Variants in MAGI2 observed in about 807,000 individuals in gnomAD.
MAGI2 encodes the protein membrane associated guanylate kinase, WW and PDZ domain containing 2.
MAGI2 carries 35 observed loss-of-function variants against 133.3 expected under a neutral mutation model. The ratio of observed to expected loss-of-function variants is 0.26; its 90% CI spans 0.20 to 0.35. The LOEUF is 0.35. Among genes scored for constraint, MAGI2 ranks in the 10% least tolerant of loss-of-function variants. The probability of loss-of-function intolerance (pLI) is 1.00; values close to 1 mark genes in which losing one functional copy is unlikely to be tolerated. For missense variants in MAGI2, 1,636 were observed against 1,863.4 expected, an observed-to-expected ratio of 0.88 and a Z score of 2.25; for synonymous variants, 729 against 710.6, an observed-to-expected ratio of 1.03 and a Z score of -0.41.
intron 2 of MAGI2, among the ~76,000 whole-genome samples, chr7:78,753,112 A>G (rs973667690): frequency 1.3e-5 from 2 of 152,236 alleles, no homozygotes; most frequent in Admixed American, 1.3e-4. Flanking sequence ...ACAAGAAAAT[A>G]TCACTCATAC....
intron 2 of MAGI2, among the ~76,000 whole-genome samples, chr7:78,951,879 A>T (rs1801900943): frequency 1.3e-5 from 2 of 152,198 alleles, no homozygotes; most frequent in African/African-American, 4.8e-5. Flanking sequence ...CATCCTCTAC[A>T]CTGATTAGGG....
chr7:78,305,820 G>A (rs12705394), intron 9 of MAGI2, among the ~76,000 whole-genome samples: 77 of 152,198 alleles, frequency 5.1e-4, no homozygotes, highest in South Asian at 1.2e-3. Flanking sequence ...AGACAATTAT[G>A]AGCTTTAGTT....
intron 1 of MAGI2, among the ~76,000 whole-genome samples, chr7:79,376,118 A>G (rs1843361285): frequency 6.6e-6 from 1 of 151,766 alleles, no homozygotes; most frequent in Non-Finnish European, 1.5e-5. Flanking sequence ...ATCTTATTGT[A>G]TATGTTTATA....
chr7:78,815,936 A>G (rs962466211), intron 2 of MAGI2, among the ~76,000 whole-genome samples: 3 of 152,228 alleles, frequency 2.0e-5, no homozygotes, highest in African/African-American at 7.2e-5. Context: ...ATCAGAAGCT[A>G]GAAATGATTA....
At chr7:79,335,692 G>C (rs1196412595) in intron 1 of MAGI2, among the ~76,000 whole-genome samples, 1 of 151,944 alleles carries the variant, frequency 6.6e-6, no homozygotes, top group Non-Finnish European at 1.5e-5. Flanking sequence ...AAATCTTTTT[G>C]ACAAAATTAT....
At chr7:78,627,744 C>T (rs942758903) in intron 2 of MAGI2, among the ~76,000 whole-genome samples, 1 of 152,170 alleles carries the variant, frequency 6.6e-6, no homozygotes, top group Non-Finnish European at 1.5e-5. Flanking sequence ...GTTAAATTTG[C>T]ACCCAGAGCC....
intron 20 of MAGI2, among the ~76,000 whole-genome samples, chr7:78,087,128 C>T (rs759661209): frequency 6.6e-6 from 1 of 152,120 alleles, no homozygotes; most frequent in Non-Finnish European, 1.5e-5. Context: ...GGGTTGGGTG[C>T]CTTTTCTGTG....
At chr7:79,402,418 T>A (rs1845531899) in intron 1 of MAGI2, among the ~76,000 whole-genome samples, 1 of 152,170 alleles carries the variant, frequency 6.6e-6, no homozygotes, top group South Asian at 2.1e-4. Flanking sequence ...ACACAAATTA[T>A]TGTAAAAATA....
At chr7:79,142,896 A>T (rs1397507402) in intron 1 of MAGI2, among the ~76,000 whole-genome samples, 1 of 152,164 alleles carries the variant, frequency 6.6e-6, no homozygotes, top group East Asian at 1.9e-4. Context: ...TCAGCCAGGG[A>T]GCCCACCCTT....
intron 6 of MAGI2, among the ~76,000 whole-genome samples, chr7:78,416,747 A>G (rs1249561647): frequency 6.6e-6 from 1 of 152,120 alleles, no homozygotes; most frequent in Non-Finnish European, 1.5e-5. Flanking sequence ...CATGTGTTAT[A>G]AAAGAGGCTT....
intron 1 of MAGI2, among the ~76,000 whole-genome samples, chr7:79,181,672 A>G (rs1331042232): frequency 6.6e-6 from 1 of 152,008 alleles, no homozygotes; most frequent in Non-Finnish European, 1.5e-5. Context: ...TTCTGTAGCC[A>G]GCTTGAATTT....
chr7:79,187,744 G>C (rs1827291480), intron 1 of MAGI2, among the ~76,000 whole-genome samples: 2 of 151,746 alleles, frequency 1.3e-5, no homozygotes, highest in African/African-American at 4.8e-5. Flanking sequence ...AAAAACAATT[G>C]TGCAAGTAGA....
chr7:79,427,097 G>A (rs992815342), intron 1 of MAGI2, among the ~76,000 whole-genome samples: 5 of 152,156 alleles, frequency 3.3e-5, no homozygotes, highest in Admixed American at 6.5e-5. Context: ...TTAACTGGCA[G>A]TTTTTGGACA....
chr7:78,754,370 C>CAAAT (rs1554555812), intron 2 of MAGI2, among the ~76,000 whole-genome samples: 9,540 of 147,030 alleles, frequency 0.065, 384 homozygotes, highest in African/African-American at 0.12. Flanking sequence ...GACCCTGTCT[C>CAAAT]AAATAAATAA....
intron 12 of MAGI2, among the ~76,000 whole-genome samples, chr7:78,189,609 T>C (rs1828020570): frequency 6.6e-6 from 1 of 152,190 alleles, no homozygotes; most frequent in Admixed American, 6.5e-5. Context: ...CAAAGTTCAA[T>C]GTGAAGAGAA....
chr7:78,118,813 A>G (rs1820135928), intron 20 of MAGI2, among the ~76,000 whole-genome samples: 1 of 152,222 alleles, frequency 6.6e-6, no homozygotes, highest in South Asian at 2.1e-4. Flanking sequence ...AAAACTCAAC[A>G]TACTTGTATC....
At chr7:78,137,713 A>C (rs1188087832) in intron 16 of MAGI2, among the ~76,000 whole-genome samples, 1 of 152,194 alleles carries the variant, frequency 6.6e-6, no homozygotes, top group Non-Finnish European at 1.5e-5. Context: ...CTCTGATTTC[A>C]CAAAAAAGAC....
At chr7:78,655,469 A>AC (rs1373733128) in intron 2 of MAGI2, among the ~76,000 whole-genome samples, 3 of 150,242 alleles carry the variant, frequency 2.0e-5, no homozygotes, top group East Asian at 3.9e-4. Flanking sequence ...AAAAAAAAAA[A>AC]AAAAAACCAC....
At chr7:78,935,221 G>A (rs187918526) in intron 2 of MAGI2, among the ~76,000 whole-genome samples, 10 of 152,216 alleles carry the variant, frequency 6.6e-5, no homozygotes, top group African/African-American at 2.2e-4. Context: ...ATCACTGTTA[G>A]GAATCCGTAT....
Sources: allele counts gnomAD v4.1 joint callset (sites outside exome capture counted in the v4.1 genomes callset), GRCh38; gene constraint gnomAD v4.1.1; transcripts MANE v1.5; gene names NCBI Gene and HGNC (gene_info 2026-07-23, HGNC 2026-07-21).